The following GRM5 variants were observed in gnomAD, a reference collection of about 807,000 sequenced individuals.
GRM5 encodes glutamate metabotropic receptor 5.
In GRM5, 19 loss-of-function variants were observed where a neutral mutation model predicts 83.1. That is an observed-to-expected ratio of 0.23 (90% CI 0.16 to 0.34). The LOEUF is 0.34. Ranked by LOEUF, GRM5 falls within the 10% of genes least tolerant of loss-of-function variation. The pLI is 1.00. For missense variants in GRM5, 1,160 were observed against 1,588.3 expected (o/e 0.73, Z 4.58); for synonymous variants, 675 against 633.6 (o/e 1.07, Z -0.98).
chr11:88,919,596 A>G (rs1426837220), intron 2 of GRM5, among the ~76,000 whole-genome samples: 1 of 151,936 alleles, frequency 6.6e-6, no homozygotes, highest in South Asian at 2.1e-4. Flanking sequence ...TGCAGAATAT[A>G]CATTCTTTTC....
chr11:88,776,645 A>C (rs1029525011), intron 3 of GRM5, among the ~76,000 whole-genome samples: 5 of 152,164 alleles, frequency 3.3e-5, no homozygotes, highest in East Asian at 1.9e-4. Context: ...TGGTGACAAT[A>C]TCTCTCAGCA....
chr11:88,780,638 G>C (rs1040515745), intron 3 of GRM5, among the ~76,000 whole-genome samples: 2 of 152,000 alleles, frequency 1.3e-5, no homozygotes, highest in African/African-American at 2.4e-5. Flanking sequence ...ATGAAAGTTG[G>C]CAAGTATTAA....
chr11:89,031,424 C>A (rs972087649), intron 2 of GRM5, among the ~76,000 whole-genome samples: 46 of 151,274 alleles, frequency 3.0e-4, no homozygotes, highest in Non-Finnish European at 7.4e-5. Flanking sequence ...TATTTATGTT[C>A]CTTTATGTGC....
chr11:88,711,751 C>A (rs982572381), intron 3 of GRM5, among the ~76,000 whole-genome samples: 1 of 151,974 alleles, frequency 6.6e-6, no homozygotes, highest in African/African-American at 2.4e-5. Flanking sequence ...AAAATGCTTC[C>A]TCTCCTGACT....
intron 3 of GRM5, among the ~76,000 whole-genome samples, chr11:88,664,799 A>G (rs1229469504): frequency 6.6e-6 from 1 of 152,160 alleles, no homozygotes; most frequent in African/African-American, 2.4e-5. Context: ...GGGATTATTT[A>G]AAGTATATAA....
At chr11:88,685,098 A>T (rs1377894679) in intron 3 of GRM5, among the ~76,000 whole-genome samples, 2 of 152,220 alleles carry the variant, frequency 1.3e-5, no homozygotes, top group Non-Finnish European at 2.9e-5. Context: ...TATGTAGGAA[A>T]GTTTGGAACT....
chr11:88,878,782 C>T (rs1427449276), intron 2 of GRM5, among the ~76,000 whole-genome samples: 1 of 152,102 alleles, frequency 6.6e-6, no homozygotes, highest in East Asian at 1.9e-4. Context: ...GTAGTTCATG[C>T]AATGGCTTGG....
At chr11:88,877,827 A>ACG (rs1308673739) in intron 2 of GRM5, among the ~76,000 whole-genome samples, 16 of 71,636 alleles carry the variant, frequency 2.2e-4, no homozygotes, top group African/African-American at 1.1e-3. Context: ...GACTCTGTGG[A>ACG]AGAAAAAAAA....
At chr11:88,693,109 G>A (rs551431158) in intron 3 of GRM5, among the ~76,000 whole-genome samples, 5 of 151,868 alleles carry the variant, frequency 3.3e-5, no homozygotes, top group South Asian at 4.1e-4. Context: ...AGCTATACAC[G>A]AAGATTACAT....
At chr11:89,019,197 C>T (rs116612713) in intron 2 of GRM5, among the ~76,000 whole-genome samples, 1 of 152,110 alleles carries the variant, frequency 6.6e-6, no homozygotes. Context: ...GTTTTTCTCT[C>T]AGATTACATT....
intron 2 of GRM5, among the ~76,000 whole-genome samples, chr11:88,919,808 C>A (rs923427008): frequency 4.0e-5 from 6 of 151,542 alleles, no homozygotes; most frequent in Admixed American, 3.3e-4. Flanking sequence ...ACCAGTGGGC[C>A]CATGAATAAA....
chr11:88,827,831 G>A lies in GRM5; in HGVS notation c.911+22075C>T, dbSNP rs1236063352. Among the ~76,000 whole-genome samples the A allele has an allele frequency of 2.6e-5, 4 of 152,162 alleles. No homozygotes were observed. The South Asian group carries it at 6.2e-4, about 24-fold the overall frequency. ...AGCTTACCTTCTAGCATAGACTAGA[G>A]AGACAATAAACCAAATAAATAAGAA... On this transcript the variant is annotated intron_variant, in intron 3 of 9. Transcript: ENST00000305447.
chr11:88,867,091 C>G (rs1046961106), intron 2 of GRM5, among the ~76,000 whole-genome samples: 7 of 152,086 alleles, frequency 4.6e-5, no homozygotes, highest in Non-Finnish European at 8.8e-5. Context: ...GAGTACCACG[C>G]TGTTTTGGTT....
intron 3 of GRM5, among the ~76,000 whole-genome samples, chr11:88,765,417 A>G (rs1172010915): frequency 8.2e-6 from 1 of 121,992 alleles, no homozygotes; most frequent in South Asian, 2.9e-4. Context: ...AAAAAAAAAC[A>G]AAGTGGAAGG....
chr11:88,807,685 G>T (rs1943519756), intron 3 of GRM5, among the ~76,000 whole-genome samples: 1 of 152,044 alleles, frequency 6.6e-6, no homozygotes, highest in Non-Finnish European at 1.5e-5. Flanking sequence ...CCAAAAGAGA[G>T]ATCTGATATT....
intron 3 of GRM5, among the ~76,000 whole-genome samples, chr11:88,768,087 C>G (rs1942657891): frequency 6.6e-6 from 1 of 151,922 alleles, no homozygotes; most frequent in African/African-American, 2.4e-5. Context: ...AATTTCACTT[C>G]TGGGTACATA....
intron 3 of GRM5, among the ~76,000 whole-genome samples, chr11:88,735,821 A>T (rs1941901712): frequency 6.6e-6 from 1 of 152,042 alleles, no homozygotes; most frequent in African/African-American, 2.4e-5. Flanking sequence ...CACACTACTG[A>T]TACACTACAT....
chr11:88,759,255 A>T (rs964364054), intron 3 of GRM5, among the ~76,000 whole-genome samples: 1 of 152,160 alleles, frequency 6.6e-6, no homozygotes, highest in Non-Finnish European at 1.5e-5. Flanking sequence ...AATGGGCTAA[A>T]TCTCCCAATT....
chr11:88,863,343 A>C (rs1944601779), intron 2 of GRM5, among the ~76,000 whole-genome samples: 1 of 152,000 alleles, frequency 6.6e-6, no homozygotes, highest in South Asian at 2.1e-4. Context: ...CACAATAGTA[A>C]AGACATGGAA....
Sources: gnomAD v4.1 joint callset for allele counts (sites outside exome capture counted in the v4.1 genomes callset) on GRCh38, gnomAD v4.1.1 for gene constraint, MANE v1.5 for transcripts, NCBI Gene and HGNC (gene_info 2026-07-23, HGNC 2026-07-21) for gene names.